SCOC: variants seen among roughly 807,000 people sequenced by gnomAD.
SCOC encodes the protein short coiled coil protein.
Under a neutral mutation model 9.9 loss-of-function variants are expected in SCOC, and 7 were observed. That is an observed-to-expected ratio of 0.71 (90% confidence interval 0.40 to 1.33). The LOEUF is 1.33. SCOC is among the 40% of genes most tolerant of loss of function. The pLI is 0.01. For missense variants in SCOC, 66 were observed against 89.7 expected (o/e 0.74, Z 1.07); for synonymous variants, 19 against 28.2 (o/e 0.67, Z 1.03).
At position 140,316,919 on chromosome 4, in the gene SCOC, C is replaced by T. The variant is rs181227894; in HGVS notation, c.-18-26702C>T. ...ATCAATTAAATTTGACTAATCTCTC[C>T]AGGCTCATGAGAAAATATAATCTGA... is the stretch of plus-strand genomic sequence containing the variant. On this transcript the variant is annotated intron_variant, in intron 1 of 4. Transcript: ENST00000394205. Among the ~76,000 whole-genome samples the T allele has an allele frequency of 2.0e-5, 3 of 152,250 alleles. No individual in the cohort carries two copies. In the East Asian group the frequency reaches 5.8e-4, roughly 29 times the overall value.
At chr4:140,317,610 C>T (rs1168999147) in intron 1 of SCOC, among the ~76,000 whole-genome samples, 2 of 145,192 alleles carry the variant, frequency 1.4e-5, no homozygotes, top group Non-Finnish European at 3.0e-5. Flanking sequence ...ACGCTCCCAG[C>T]TGAATAAAGC....
At position 140,362,293 on chromosome 4, in the gene SCOC, CTTCTTCTTTT is replaced by C. The variant is rs1727566587; in HGVS notation, c.71-16825_71-16816del. On this transcript the variant is annotated intron_variant, in intron 2 of 4. Coordinates refer to the SCOC transcript ENST00000338517. Reference sequence around the variant, plus strand: ...TGTGTCCTTACTTCTTCTTCTTCTTCTTCTTCTTTTTTTTTTTTTTTTGTGAGAGTCTCGC... The same window carrying C: ...TGTGTCCTTACTTCTTCTTCTTCTTCTTTTTTTTTTTTGTGAGAGTCTCGC... Among the ~76,000 whole-genome samples, 2 of 17,498 alleles carry C rather than the reference CTTCTTCTTTT, an allele frequency of 1.1e-4. 1 individual carries two copies. Among genetic ancestry groups the C allele is most frequent in the African/African-American group, 6.7e-4 (2 of 2,974 alleles). The allele number at this position is 17,498 out of a possible 152,430, so 11.5% of individuals were successfully genotyped here. A position where few individuals can be genotyped will look rare whatever the true frequency, so the allele number is the denominator to read the frequency against.
At chr4:140,299,336 GT>G (rs1457170335) in intron 1 of SCOC, among the ~76,000 whole-genome samples, 1 of 152,182 alleles carries the variant, frequency 6.6e-6, no homozygotes, top group Non-Finnish European at 1.5e-5. Context: ...CAGAAATGTA[GT>G]GCTAAATGCC....
intron 2 of SCOC, chr4:140,343,834 T>C (rs1010240675): frequency 1.6e-5 from 9 of 576,250 alleles, no homozygotes; most frequent in African/African-American, 5.6e-5. Flanking sequence ...TGAAAAAATA[T>C]AGTTACAAAA....
upstream of SCOC, chr4:140,373,617 C>A (rs1379197420): frequency 1.3e-6 from 2 of 1,551,574 alleles, no homozygotes; most frequent in African/African-American, 2.7e-5. Flanking sequence ...GGCGCACGTT[C>A]TGTGGGCGGA....
intron 2 of SCOC, among the ~76,000 whole-genome samples, chr4:140,357,309 A>C (rs551733697): frequency 5.3e-5 from 8 of 152,190 alleles, no homozygotes; most frequent in Non-Finnish European, 1.0e-4. Context: ...AGGTGTACAG[A>C]GATTCTATTC....
At chr4:140,259,018 T>G (rs371447517) in intron 1 of SCOC, among the ~76,000 whole-genome samples, 3 of 152,280 alleles carry the variant, frequency 2.0e-5, no homozygotes, top group East Asian at 1.9e-4. Flanking sequence ...TCTCAACAAG[T>G]GGAATTGGAC....
intron 2 of SCOC, among the ~76,000 whole-genome samples, chr4:140,346,139 C>T (rs1379511010): frequency 6.6e-6 from 1 of 152,152 alleles, no homozygotes; most frequent in Non-Finnish European, 1.5e-5. Context: ...ACAGTTTCTG[C>T]ATGGATATTG....
At position 140,268,400 on chromosome 4, in the gene SCOC, G is replaced by A. The variant is rs139856164; in HGVS notation, c.-19+10990G>A. Among the ~76,000 whole-genome samples, 777 of 152,222 alleles carry A rather than the reference G, an allele frequency of 5.1e-3. 5 individuals carry two copies. The highest frequency in any genetic ancestry group is 8.0e-3 in the Non-Finnish European group (546 of 68,016). ...TTATAATTTTTTCCCTTTTACCCTA[G>A]CTGAGCCACTTGGGCCTCTGCTAAG... On this transcript the variant is annotated intron_variant, in intron 1 of 4. Coordinates refer to the SCOC transcript ENST00000394205.
At chr4:140,339,916 A>G (rs916813232), upstream of SCOC, among the ~76,000 whole-genome samples, 1 of 152,240 alleles carries the variant, frequency 6.6e-6, no homozygotes, top group Non-Finnish European at 1.5e-5. Context: ...ATCTAGAACT[A>G]GAAATACCAT....
chr4:140,273,939 T>C (rs1730919546), intron 1 of SCOC, among the ~76,000 whole-genome samples: 1 of 152,214 alleles, frequency 6.6e-6, no homozygotes, highest in Admixed American at 6.5e-5. Flanking sequence ...GCCCGTCTGA[T>C]TGGATGATTA....
At chr4:140,276,452 T>TTTTTGTTTGTTTGTTTG (rs1730984786) in intron 1 of SCOC, among the ~76,000 whole-genome samples, 1 of 150,770 alleles carries the variant, frequency 6.6e-6, no homozygotes, top group African/African-American at 2.4e-5. Context: ...CTCTCACAGG[T>TTTTTGTTTGTTTGTTTG]TTTTGTTTGT....
intron 1 of SCOC, among the ~76,000 whole-genome samples, chr4:140,330,942 G>A (rs906739656): frequency 6.9e-4 from 105 of 152,158 alleles, no homozygotes; most frequent in East Asian, 3.9e-4. Context: ...GCGTACGGCT[G>A]GTATATATGC....
chr4:140,316,223 T>A (rs1204729200), intron 1 of SCOC, among the ~76,000 whole-genome samples: 2 of 152,186 alleles, frequency 1.3e-5, no homozygotes, highest in Non-Finnish European at 2.9e-5. Flanking sequence ...ACATTTTCAT[T>A]CAGATGCTTA....
intron 1 of SCOC, among the ~76,000 whole-genome samples, chr4:140,289,893 T>C (rs914574797): frequency 9.9e-5 from 15 of 152,244 alleles, no homozygotes; most frequent in African/African-American, 3.6e-4. Flanking sequence ...CAGTACCTCT[T>C]CTGTGAGGAT....
At chr4:140,376,484 T>G (rs1252014340) in intron 1 of SCOC, 2 of 152,180 alleles carry the variant, frequency 1.3e-5, no homozygotes, top group African/African-American at 2.4e-5. Context: ...GTGCAACACT[T>G]GGGATGCAAT....
intron 2 of SCOC, among the ~76,000 whole-genome samples, chr4:140,362,074 A>G (rs532474768): frequency 8.1e-6 from 1 of 123,868 alleles, no homozygotes; most frequent in African/African-American, 2.8e-5. Context: ...ACACAGACAC[A>G]GCCCCTATCC....
intron 1 of SCOC, among the ~76,000 whole-genome samples, chr4:140,296,525 C>A (rs963699801): frequency 6.6e-6 from 1 of 152,298 alleles, no homozygotes; most frequent in South Asian, 2.1e-4. Context: ...CAGACTGACT[C>A]ATCCCTGAAA....
chr4:140,272,952 C>T (rs1241527940), intron 1 of SCOC, among the ~76,000 whole-genome samples: 3 of 152,188 alleles, frequency 2.0e-5, no homozygotes, highest in Non-Finnish European at 2.9e-5. Context: ...TCAAATTCTC[C>T]GAAGGCCCCT....
Sources: allele counts gnomAD v4.1 joint callset (sites outside exome capture counted in the v4.1 genomes callset), GRCh38; gene constraint gnomAD v4.1.1; transcripts MANE v1.5; gene names NCBI Gene and HGNC (gene_info 2026-07-23, HGNC 2026-07-21).